The following PAXIP1 variants were observed in gnomAD, a reference collection of about 807,000 sequenced individuals.
PAXIP1 encodes the protein PAX-interacting protein 1.
PAXIP1 carries 19 observed loss-of-function variants against 140.6 expected under a neutral mutation model. The ratio of observed to expected loss-of-function variants is 0.14; its 90% CI spans 0.09 to 0.20. The LOEUF (loss-of-function observed/expected upper bound fraction) is 0.20. Ranked by LOEUF, PAXIP1 falls within the 10% of genes least tolerant of loss-of-function variation. PAXIP1 has a pLI of 1.00. For synonymous variants in PAXIP1, 442 were observed against 444.6 expected (o/e 0.99, Z 0.07); for missense variants, 920 against 1,208.6 (o/e 0.76, Z 3.54).
At position 155,002,863 on chromosome 7, in the gene PAXIP1, C is replaced by T; in HGVS notation, c.67G>A (p.Asp23Asn). The T allele has an allele frequency of 7.1e-7, 1 of 1,411,794 alleles. No homozygotes were observed. Among genetic ancestry groups the T allele is most frequent in the Admixed American group, 2.1e-5 (1 of 47,280 alleles). The allele number at this position is 1,411,794 out of a possible 1,614,324, so 87.5% of individuals were successfully genotyped here. The change falls in exon 1 of 21, where the codon GAC becomes AAC. Residue 23 changes from aspartate to asparagine, a missense_variant. Asp to Asn is a conservative substitution (Grantham distance 23). Coordinates refer to ENST00000404141, the MANE Select transcript of PAXIP1 (RefSeq NM_007349.4). ...FREVKYYAVG[D>N]IDPQVIQLLK... The stretch of plus-strand genomic sequence containing the variant: ...GGGCGCGGTACCTGCGGGTCGATGT[C>T]GCCCACCGCGTAATACTTGACCTCC...
At chr7:154,978,455 C>A (rs116772016) in intron 5 of PAXIP1, among the ~76,000 whole-genome samples, 16 of 152,290 alleles carry the variant, frequency 1.1e-4, no homozygotes, top group African/African-American at 3.9e-4. Flanking sequence ...TTTACCTATA[C>A]CCTCGACAAT....
chr7:154,982,495 C>T (rs544968620), intron 5 of PAXIP1, among the ~76,000 whole-genome samples: 1 of 152,286 alleles, frequency 6.6e-6, no homozygotes, highest in African/African-American at 2.4e-5. Flanking sequence ...GGATTACAAG[C>T]ACATGCCACC....
chr7:154,969,707 A>G (rs1809208491), intron 6 of PAXIP1, among the ~76,000 whole-genome samples: 1 of 152,242 alleles, frequency 6.6e-6, no homozygotes, highest in Non-Finnish European at 1.5e-5. Flanking sequence ...AGATGAAAGC[A>G]GCATGACCCA....
chr7:155,002,350 G>C (rs1810948315), intron 1 of PAXIP1, among the ~76,000 whole-genome samples: 1 of 152,144 alleles, frequency 6.6e-6, no homozygotes, highest in Middle Eastern at 3.2e-3. Flanking sequence ...CCGGGTGGCG[G>C]AGGCGGCCAA....
At chr7:154,957,130 C>A in intron 14 of PAXIP1, 94 bp downstream of exon 14, 1 of 632,010 alleles carries the variant, frequency 1.6e-6, no homozygotes, top group Non-Finnish European at 2.8e-6. Context: ...TTATTTACTG[C>A]AAAACATTTT....
chr7:154,947,828 T>G (rs1354066010), intron 17 of PAXIP1, 75 bp downstream of exon 17: 1 of 1,064,712 alleles, frequency 9.4e-7, no homozygotes, highest in East Asian at 2.4e-5. Flanking sequence ...TCCCACCAAA[T>G]CACCTGGTAG....
rs1385884504 is a variant in PAXIP1, at chr7:154,993,027, C to A, written c.260+699G>T. Among the ~76,000 whole-genome samples, 9 of 152,106 alleles carry A rather than the reference C, an allele frequency of 5.9e-5. 1 individual carries two copies. The highest frequency in any genetic ancestry group is 2.2e-4 in the African/African-American group (9 of 41,408). ...GCAACTGTATGGTATCAGGTACTTG[C>A]AAAAGAAATGATTTCCACAAGCAAG... On this transcript the variant is annotated intron_variant, in intron 3 of 20. Coordinates refer to ENST00000404141, the MANE Select transcript of PAXIP1 (RefSeq NM_007349.4).
At position 154,986,238 on chromosome 7, in the gene PAXIP1, G is replaced by A. The variant is rs192600083; in HGVS notation, c.325-2906C>T. The A allele has an allele frequency of 1.4e-4, 172 of 1,258,352 alleles. No homozygotes were observed. The African/African-American group carries it at 2.5e-3, about 18-fold the overall frequency. 77.9% of individuals were successfully genotyped at this position (1,258,352 alleles called of 1,614,324 possible). A position where few individuals can be genotyped will look rare whatever the true frequency, so the allele number is the denominator to read the frequency against. On this transcript the variant is annotated intron_variant, in intron 4 of 20. Transcript: ENST00000404141. The surrounding 1 kb of genome is among the most constrained non-coding windows in gnomAD (Gnocchi z 4.8). ...CACCAAGAAACAGTCCTTTTGTAAAGCTGGGGTCCTGCCTGGCGTGTGCAT... is the reference window on the plus strand; with the variant it reads ...CACCAAGAAACAGTCCTTTTGTAAAACTGGGGTCCTGCCTGGCGTGTGCAT...
At position 154,963,756 on chromosome 7, in the gene PAXIP1, G is replaced by A. The variant is rs948987245; in HGVS notation, c.1904C>T (p.Ala635Val). 5.6e-6 allele frequency: 9 copies of A among 1,612,224 alleles called. No individual in the cohort carries two copies. The highest frequency in any genetic ancestry group is 7.6e-6 in the Non-Finnish European group (9 of 1,178,880). Residue 635 changes from alanine (A) to valine (V), a missense_variant, in exon 9 of 21, where the codon GCA (alanine) becomes GTA (valine). Ala to Val is a moderately conservative substitution (Grantham distance 64). Transcript: ENST00000404141. This position sits in a 1 kb window ranked among gnomAD's most constrained non-coding sequence, Gnocchi z 4.1. The stretch of plus-strand genomic sequence containing the variant: ...GGTGGGGTCAACAGTGCCGCCATGT[G>A]CCTGGATTATCTACACACAAAGACC... ...LLATWKRIIQAHGGTVDPTFT... is the reference protein window; with the variant it reads ...LLATWKRIIQVHGGTVDPTFT...
At chr7:154,955,772 G>A (rs1160052124) in intron 14 of PAXIP1, 141 bp from the exon 15 acceptor site, 3 of 528,956 alleles carry the variant, frequency 5.7e-6, no homozygotes, top group East Asian at 3.3e-5. Context: ...AATACAATGA[G>A]CTATCTGTCC....
In PAXIP1 at chr7:154,954,873, T is replaced by C. The variant is rs2150744534; in HGVS notation, c.2653-450A>G. Among the ~76,000 whole-genome samples, 1 of 152,304 alleles carries C rather than the reference T, an allele frequency of 6.6e-6. No individual in the cohort carries two copies. The highest frequency in any genetic ancestry group is 2.4e-5 in the African/African-American group (1 of 41,574). Reference sequence around the variant, plus strand: ...AGCATATAAAAAAGCGAGCTCCTAATAACTATCCTCACATTTTAAAGGTGG... The same window carrying C: ...AGCATATAAAAAAGCGAGCTCCTAACAACTATCCTCACATTTTAAAGGTGG... On this transcript the variant is annotated intron_variant, in intron 15 of 20. Coordinates refer to ENST00000404141, the MANE Select transcript of PAXIP1 (RefSeq NM_007349.4). The surrounding 1 kb of genome is among the most constrained non-coding windows in gnomAD (Gnocchi z 5.1).
intron 1 of PAXIP1, 50 bp downstream of exon 1, chr7:155,002,799 G>T (rs566347890): frequency 2.7e-6 from 3 of 1,106,744 alleles, no homozygotes; most frequent in Admixed American, 5.1e-5. Flanking sequence ...GACGGGGACG[G>T]ACGGGGACGC....
chr7:154,991,534 A>G (rs969777714), intron 3 of PAXIP1, among the ~76,000 whole-genome samples: 2 of 152,236 alleles, frequency 1.3e-5, no homozygotes, highest in Non-Finnish European at 2.9e-5. Context: ...ATTGAGCTCT[A>G]GTTTTATTAT....
chr7:154,972,859 G>A (rs1425917654), intron 6 of PAXIP1, among the ~76,000 whole-genome samples: 2 of 152,216 alleles, frequency 1.3e-5, no homozygotes, highest in African/African-American at 4.8e-5. Context: ...GGTCAAAAAT[G>A]CTAGAATCCT....
At chr7:154,944,281 C>T in intron 20 of PAXIP1, 117 bp from the exon 21 acceptor site, 2 of 848,324 alleles carry the variant, frequency 2.4e-6, no homozygotes, top group Non-Finnish European at 3.7e-6. Flanking sequence ...GCTACAGCCT[C>T]TTTCTTACCC....
chr7:154,944,678 T>A (rs1267590898), intron 20 of PAXIP1: 1 of 152,656 alleles, frequency 6.6e-6, no homozygotes, highest in Non-Finnish European at 1.5e-5. Context: ...AAAGTAAATG[T>A]AGTGTAGAAC....
chr7:155,002,553 G>T (rs1340218635), intron 1 of PAXIP1, among the ~76,000 whole-genome samples: 1 of 151,938 alleles, frequency 6.6e-6, no homozygotes, highest in African/African-American at 2.4e-5. Context: ...AGAACGAGGC[G>T]GCCCGGTGGG....
intron 1 of PAXIP1, chr7:155,001,101 CCA>C (rs1222226488): frequency 6.6e-6 from 1 of 152,220 alleles, no homozygotes; most frequent in African/African-American, 2.4e-5. Flanking sequence ...AACTTATAAT[CCA>C]CAGTCATAAG....
rs2150777550 is a variant in PAXIP1, at chr7:154,986,995, CAGTG to C, written c.325-3667_325-3664del. Among the ~76,000 whole-genome samples the C allele has an allele frequency of 2.0e-5, 3 of 152,356 alleles. No homozygotes were observed. The highest frequency in any genetic ancestry group is 3.9e-4 in the East Asian group (2 of 5,190). On this transcript the variant is annotated intron_variant, in intron 4 of 20. Coordinates refer to ENST00000404141, the MANE Select transcript of PAXIP1 (RefSeq NM_007349.4). The surrounding 1 kb of genome is among the most constrained non-coding windows in gnomAD (Gnocchi z 4.8). Reference sequence around the variant, plus strand: ...AGGTAAAATTGGACCTTTCACCTGACAGTGGGTGAGCAGAGCCCCTTCCCAGAAC... The same window carrying C: ...AGGTAAAATTGGACCTTTCACCTGACGGTGAGCAGAGCCCCTTCCCAGAAC...
Sources: allele counts gnomAD v4.1 joint callset (sites outside exome capture counted in the v4.1 genomes callset), GRCh38; gene constraint gnomAD v4.1.1; non-coding constraint Gnocchi (gnomAD v3.1); transcripts MANE v1.5; gene names NCBI Gene and HGNC (gene_info 2026-07-23, HGNC 2026-07-21).